IRS4: variants seen among roughly 807,000 people sequenced by gnomAD.
The protein encoded by IRS4 is insulin receptor substrate 4, also known as 160 kDa phosphotyrosine protein.
A neutral mutation model predicts 48.6 loss-of-function variants in IRS4; 15 were observed. That is an observed-to-expected ratio of 0.31 (90% CI 0.21 to 0.48). IRS4 has a LOEUF of 0.48. Among genes scored for constraint, IRS4 ranks in the 20% least tolerant of loss-of-function variants. The pLI is 0.99. For synonymous variants in IRS4, 459 were observed against 413.2 expected (o/e 1.11, Z -1.34); for missense variants, 987 against 1,023.4 (o/e 0.96, Z 0.49).
In IRS4 at chrX:108,734,689, G is replaced by T. The variant is rs199512071; in HGVS notation, c.1656C>A (p.Thr552=). The part of the protein sequence containing the change: ...GNQCSRDGQG[T]AGGHGSGGGQ... ...CACCACCTGAACCGTGCCCACCTGC[G>T]GTGCCCTGGCCATCTCTAGAGCACT... The change falls in exon 1 of 2, where the codon ACC becomes ACA. Residue 552 remains threonine, a synonymous_variant. Coordinates refer to ENST00000372129, the MANE Select transcript of IRS4 (RefSeq NM_001379150.1). 4.1e-6 allele frequency: 5 copies of T among 1,210,246 alleles called. No homozygotes were observed. Among genetic ancestry groups the T allele is most frequent in the African/African-American group, 3.5e-5 (2 of 57,271 alleles).
rs764640800 is a variant in IRS4 at position 108,733,773 on chromosome X, G to C, written c.2572C>G (p.Pro858Ala). 9.2e-5 allele frequency: 111 copies of C among 1,209,992 alleles called. No homozygotes were observed. Among genetic ancestry groups the C allele is most frequent in the Non-Finnish European group, 1.2e-4 (106 of 895,211 alleles). Residue 858 changes from proline to alanine, a missense_variant, in exon 1 of 2, where the codon CCT becomes GCT. Coordinates refer to ENST00000372129, the MANE Select transcript of IRS4 (RefSeq NM_001379150.1). The stretch of plus-strand genomic sequence containing the variant: ...TTTGAGAATGATCCCTCACCTGAAG[G>C]CTTTGAAGCTGCATCTTTGGGGTCC... Reference protein sequence around the residue: ...NWDPKDAASKPSGEGSFSKPG... With the variant: ...NWDPKDAASKASGEGSFSKPG...
rs965932992 is a variant in IRS4 at position 108,727,322 on chromosome X, C to T, written c.3767-4799G>A. Among the ~76,000 whole-genome samples the T allele has an allele frequency of 2.0e-4, 22 of 112,025 alleles. No homozygotes were observed. In the Admixed American group the frequency reaches 2.1e-3, roughly 11 times the overall value. ...TACACTAGAAACATCTTTAAACATTCCTATTTCTCAAGTGTTGAGTCTATT... is the reference window on the plus strand; with the variant it reads ...TACACTAGAAACATCTTTAAACATTTCTATTTCTCAAGTGTTGAGTCTATT... On this transcript the variant is annotated intron_variant, in intron 1 of 1. Coordinates refer to ENST00000372129, the MANE Select transcript of IRS4 (RefSeq NM_001379150.1).
Position 108,733,572 on chromosome X carries a change from C to A in IRS4, c.2773G>T (p.Asp925Tyr). ...GTATTGCTCTCTCTTTTAGTGAAGT[C>A]CATGTTGACGTAGTCACTAGAGCTG... The part of the protein sequence containing the change: ...ADSSSDYVNM[D>Y]FTKRESNTPA... Residue 925 changes from aspartate (D) to tyrosine (Y), a missense_variant, in exon 1 of 2, where the codon GAC (aspartate) becomes TAC (tyrosine). Physicochemically the swap from Asp to Tyr is radical, Grantham distance 160. Around this residue, in one of 4 missense-constraint regions of IRS4, gnomAD observed 720 missense variants for 660.3 expected, o/e 1.09. Transcript: ENST00000372129. 1 of 1,212,026 alleles carries A rather than the reference C, an allele frequency of 8.3e-7. No homozygotes were observed. The highest frequency in any genetic ancestry group is 1.1e-6 in the Non-Finnish European group (1 of 895,570).
In IRS4 at chrX:108,722,272, C is replaced by CA. The variant is rs1442966964; in HGVS notation, c.*246dup. Reference sequence around the variant, plus strand: ...CAGACTGGGGAGGAAAACCAGAAAACAAAAAACAAAGCACAGTGTAAATAT... The same window carrying CA: ...CAGACTGGGGAGGAAAACCAGAAAACAAAAAAACAAAGCACAGTGTAAATAT... On this transcript the variant is annotated 3_prime_UTR_variant, in exon 2 of 2. Coordinates refer to ENST00000372129, the MANE Select transcript of IRS4 (RefSeq NM_001379150.1). The CA allele has an allele frequency of 1.3e-4, 20 of 154,312 alleles. No homozygotes were observed. Among genetic ancestry groups the CA allele is most frequent in the Non-Finnish European group, 2.4e-4 (19 of 77,943 alleles). 12.7% of individuals were successfully genotyped at this position (154,312 alleles called of 1,213,427 possible).
At chrX:108,722,791 T>G (rs192813899) in intron 1 of IRS4, 1 of 202,158 alleles carries the variant, frequency 4.9e-6, no homozygotes, top group East Asian at 1.2e-4. Context: ...GACAGCATCT[T>G]TGCACGTGCG....
In IRS4 at chrX:108,732,799, G is replaced by C; in HGVS notation, c.3546C>G (p.Ala1182=). The change falls in exon 1 of 2, where the codon GCC becomes GCG. Residue 1182 remains alanine (A), a synonymous_variant. Coordinates refer to ENST00000372129, the MANE Select transcript of IRS4 (RefSeq NM_001379150.1). ...AEAVRGAQDV[A]GGSNPGAHNP... is the part of the protein sequence containing the mutation. ...TGTGGGCTCCAGGGTTCGAGCCACC[G>C]GCAACGTCTTGGGCTCCCCTTACTG... The C allele has an allele frequency of 8.4e-7, 1 of 1,194,712 alleles. No homozygotes were observed. Among genetic ancestry groups the C allele is most frequent in the Non-Finnish European group, 1.1e-6 (1 of 885,198 alleles).
In IRS4 at chrX:108,720,243, T is replaced by TCA. The variant is rs1394962609; in HGVS notation, c.*2274_*2275dup. The TCA allele has an allele frequency of 8.9e-6, 1 of 112,152 alleles. No homozygotes were observed. The highest frequency in any genetic ancestry group is 1.9e-5 in the Non-Finnish European group (1 of 53,215). The allele number at this position is 112,152 out of a possible 1,213,427, so 9.2% of individuals were successfully genotyped here. ...CCTGATATCAAATTAAATGTAGAGGTCACACACACAAAAATATTCCATCAT... is the reference window on the plus strand; with the variant it reads ...CCTGATATCAAATTAAATGTAGAGGTCACACACACACAAAAATATTCCATCAT... On this transcript the variant is annotated 3_prime_UTR_variant, in exon 2 of 2. Coordinates refer to ENST00000372129, the MANE Select transcript of IRS4 (RefSeq NM_001379150.1).
In IRS4 at chrX:108,735,040, G is replaced by A. The variant is rs149881697; in HGVS notation, c.1305C>T (p.Arg435=). ...GGGGACGTGCTGGGCTGGGTGCTAA[G>A]CGGCGAAAAAAGCTGGCCGGCACTG... ...AVSVPASFFR[R]LAPSPARPRH... The change falls in exon 1 of 2, where the codon CGC becomes CGT. Residue 435 remains arginine (R), a synonymous_variant. Transcript: ENST00000372129. 147 of 1,210,278 alleles carry A rather than the reference G, an allele frequency of 1.2e-4. No homozygotes were observed. The African/African-American group carries it at 2.1e-3, about 17-fold the overall frequency.
At position 108,732,683 on chromosome X, in the gene IRS4, C is replaced by T. The variant is rs780907100; in HGVS notation, c.3662G>A (p.Arg1221Gln). The change falls in exon 1 of 2, where the codon CGG becomes CAG. Residue 1221 changes from arginine (R) to glutamine (Q), a missense_variant. Around this residue, in one of 4 missense-constraint regions of IRS4, gnomAD observed 720 missense variants for 660.3 expected, o/e 1.09. Coordinates refer to ENST00000372129, the MANE Select transcript of IRS4 (RefSeq NM_001379150.1). ...TTCTCTCTCCGGGGGTCTTGGCACC[C>T]GGCGACTGCGAGGTGGTGGTTCCGG... is the stretch of plus-strand genomic sequence containing the variant. ...AAPEPPPRSR[R>Q]VPRPPEREDS... 9.9e-6 allele frequency: 12 copies of T among 1,209,901 alleles called. No homozygotes were observed. In the African/African-American group the frequency reaches 1.6e-4, roughly 16 times the overall value.
At chrX:108,731,059 G>A (rs1383210918) in intron 1 of IRS4, among the ~76,000 whole-genome samples, 1 of 111,288 alleles carries the variant, frequency 9.0e-6, no homozygotes, top group Non-Finnish European at 1.9e-5. Flanking sequence ...GTATGTGTGT[G>A]TGTTGGGGAG....
chrX:108,735,904 C>T lies in IRS4; in HGVS notation c.441G>A (p.Val147=). ...CGGAAAAGCACTGGTATAGGGTGAT[C>T]ACGCGCCGCGGTGGAATGAGCGGGG... ...AIPPLIPPRR[V]ITLYQCFSVS... Residue 147 remains valine, a synonymous_variant, in exon 1 of 2, where the codon GTG becomes GTA. Transcript: ENST00000372129. The T allele has an allele frequency of 8.3e-7, 1 of 1,209,948 alleles. No homozygotes were observed. The highest frequency in any genetic ancestry group is 1.1e-6 in the Non-Finnish European group (1 of 894,734).
At chrX:108,730,490 T>A (rs2068896757) in intron 1 of IRS4, among the ~76,000 whole-genome samples, 1 of 111,846 alleles carries the variant, frequency 8.9e-6, no homozygotes, top group Non-Finnish European at 1.9e-5. Context: ...AAAAATATCT[T>A]ACATTTGTAA....
rs1384949407 is a variant in IRS4 at position 108,735,634 on chromosome X, T to C, written c.711A>G (p.Val237=). 1.7e-6 allele frequency: 2 copies of C among 1,203,061 alleles called. No individual in the cohort carries two copies. Among genetic ancestry groups the C allele is most frequent in the Non-Finnish European group, 2.2e-6 (2 of 893,169 alleles). The change falls in exon 1 of 2, where the codon GTA becomes GTG. Residue 237 remains valine, a synonymous_variant. Coordinates refer to ENST00000372129, the MANE Select transcript of IRS4 (RefSeq NM_001379150.1). ...GCCCCAGCCCCCTGGGTTTGACTAT[T>C]ACCTGCCACACATCTTTATAGAAGG... ...EPPFYKDVWQ[V]IVKPRGLGHR... is the part of the protein sequence containing the mutation.
In IRS4 at chrX:108,730,579, C is replaced by T. The variant is rs750163071; in HGVS notation, c.3766+2000G>A. Among the ~76,000 whole-genome samples, 3 of 111,844 alleles carry T rather than the reference C, an allele frequency of 2.7e-5. No individual in the cohort carries two copies. In the South Asian group the frequency reaches 1.1e-3, roughly 42 times the overall value. ...GCGCCTGCCTCCCTGTGAGATAGAG[C>T]TTCCTTGCTAAAGTCACTCAATAAA... On this transcript the variant is annotated intron_variant, in intron 1 of 1. Transcript: ENST00000372129.
chrX:108,734,026 A>G lies in IRS4; in HGVS notation c.2319T>C (p.Asn773=), dbSNP rs2068927477. ...DTNKEDDSKD[N]DSESDYMFMA... Reference sequence around the variant, plus strand: ...TAAACATGTAGTCACTCTCACTGTCATTGTCCTTTGAGTCATCCTCTTTAT... The same window carrying G: ...TAAACATGTAGTCACTCTCACTGTCGTTGTCCTTTGAGTCATCCTCTTTAT... The change falls in exon 1 of 2, where the codon AAT becomes AAC. Residue 773 remains asparagine (N), a synonymous_variant. Transcript: ENST00000372129. The G allele has an allele frequency of 8.3e-7, 1 of 1,211,510 alleles. No individual in the cohort carries two copies. The highest frequency in any genetic ancestry group is 1.1e-6 in the Non-Finnish European group (1 of 895,360).
chrX:108,724,901 T>A (rs2068868017), intron 1 of IRS4: 1 of 111,961 alleles, frequency 8.9e-6, no homozygotes, highest in Non-Finnish European at 1.9e-5. Context: ...GGTGGTATAC[T>A]CTTCAGGTAA....
In IRS4 at chrX:108,736,556, G is replaced by A. The variant is rs1004161101; in HGVS notation, c.-212C>T. ...GGCGGCCGCTGCGGATCCTGCTACC[G>A]GCGCAATGGAGGGGCGCGAGCGGCC... is the stretch of plus-strand genomic sequence containing the variant. On this transcript the variant is annotated 5_prime_UTR_variant, in exon 1 of 2. Coordinates refer to ENST00000372129, the MANE Select transcript of IRS4 (RefSeq NM_001379150.1). The A allele has an allele frequency of 1.7e-6, 1 of 603,999 alleles. No homozygotes were observed. Among genetic ancestry groups the A allele is most frequent in the Non-Finnish European group, 2.5e-6 (1 of 393,508 alleles). 49.8% of individuals were successfully genotyped at this position (603,999 alleles called of 1,213,427 possible).
chrX:108,731,988 A>C (rs981062763), intron 1 of IRS4, among the ~76,000 whole-genome samples: 1 of 112,092 alleles, frequency 8.9e-6, no homozygotes, highest in Non-Finnish European at 1.9e-5. Flanking sequence ...TGGATTATTT[A>C]TGTTTTGTTC....
chrX:108,731,098 T>C (rs983198297), intron 1 of IRS4, among the ~76,000 whole-genome samples: 8 of 111,079 alleles, frequency 7.2e-5, no homozygotes, highest in African/African-American at 2.6e-4. Context: ...GAGGTCTGAA[T>C]TGAATCCTTT....
Sources: allele counts gnomAD v4.1 joint callset (sites outside exome capture counted in the v4.1 genomes callset), GRCh38; gene constraint gnomAD v4.1.1; regional missense constraint gnomAD v4.1.1; transcripts MANE v1.5; gene names NCBI Gene and HGNC (gene_info 2026-07-23, HGNC 2026-07-21).